The following KSR1 variants were observed in gnomAD, a reference collection of about 807,000 sequenced individuals.
The protein encoded by KSR1 is kinase suppressor of ras 1, also known as kinase suppressor of ras.
KSR1 carries 35 observed loss-of-function variants against 92.9 expected under a neutral mutation model. The observed-to-expected ratio is 0.38, with a 90% CI of 0.29 to 0.50. KSR1 has a LOEUF of 0.50. KSR1 is among the 20% of genes least tolerant of loss of function. The pLI is 0.94. For missense variants in KSR1, 972 were observed against 1,158.5 expected (o/e 0.84, Z 2.34); for synonymous variants, 467 against 472.6 (o/e 0.99, Z 0.15).
rs527495065 is a variant in KSR1, at chr17:27,491,370, C to T, written c.231+34496C>T. Reference sequence around the variant, plus strand: ...GTGTGTGTTGGGGGTGGGGTAGGGGCGGGGGTGGAATGTCTCGCTTTCTTG... The same window carrying T: ...GTGTGTGTTGGGGGTGGGGTAGGGGTGGGGGTGGAATGTCTCGCTTTCTTG... On this transcript the variant is annotated intron_variant, in intron 1 of 20. Coordinates refer to ENST00000644974, the MANE Select transcript of KSR1 (RefSeq NM_001394583.1). Among the ~76,000 whole-genome samples, 4 of 105,210 alleles carry T rather than the reference C, an allele frequency of 3.8e-5. No homozygotes were observed. The South Asian group carries it at 1.0e-3, about 26-fold the overall frequency. The allele number at this position is 105,210 out of a possible 152,430, so 69.0% of individuals were successfully genotyped here. A position where few individuals can be genotyped will look rare whatever the true frequency, so the allele number is the denominator to read the frequency against.
intron 1 of KSR1, among the ~76,000 whole-genome samples, chr17:27,460,865 C>T (rs1567733484): frequency 1.3e-5 from 2 of 152,288 alleles, no homozygotes; most frequent in East Asian, 1.9e-4. Context: ...TGTTGATGTG[C>T]TTACCTGGCT....
At position 27,623,952 on chromosome 17, in the gene KSR1, C is replaced by T. The variant is rs1033987770; in HGVS notation, c.*560C>T. ...CCTTCCTCGTCTTGCAGAGGAAACC[C>T]TGGCTAGGAACTGAGCTAGTTTATG... On this transcript the variant is annotated 3_prime_UTR_variant, in exon 21 of 21. Transcript: ENST00000644974. The T allele has an allele frequency of 3.9e-6, 1 of 254,590 alleles. No homozygotes were observed. The highest frequency in any genetic ancestry group is 2.2e-5 in the African/African-American group (1 of 45,002). The allele number at this position is 254,590 out of a possible 1,614,324, so 15.8% of individuals were successfully genotyped here.
intron 14 of KSR1, among the ~76,000 whole-genome samples, chr17:27,607,004 A>G (rs1435262925): frequency 6.6e-6 from 1 of 151,896 alleles, no homozygotes; most frequent in Non-Finnish European, 1.5e-5. Flanking sequence ...GCTAATTTTT[A>G]TATTTTCAGT....
intron 1 of KSR1, among the ~76,000 whole-genome samples, chr17:27,511,290 G>A (rs1374707597): frequency 6.6e-6 from 1 of 152,216 alleles, no homozygotes; most frequent in Non-Finnish European, 1.5e-5. Flanking sequence ...CTCAGAGCCA[G>A]AAGCCTCTTA....
intron 1 of KSR1, among the ~76,000 whole-genome samples, chr17:27,524,817 C>A (rs377205813): frequency 6.6e-6 from 1 of 152,132 alleles, no homozygotes; most frequent in East Asian, 1.9e-4. Context: ...GCAGGCAGAG[C>A]GGCAGGAAAA....
intron 1 of KSR1, among the ~76,000 whole-genome samples, chr17:27,460,382 ACAGG>A (rs1225450713): frequency 6.6e-6 from 1 of 152,166 alleles, no homozygotes; most frequent in Non-Finnish European, 1.5e-5. Context: ...CTTTCCAGAG[ACAGG>A]CTCTGCCATG....
At chr17:27,554,005 A>G (rs2071499047) in intron 2 of KSR1, among the ~76,000 whole-genome samples, 1 of 152,092 alleles carries the variant, frequency 6.6e-6, no homozygotes, top group Admixed American at 6.5e-5. Context: ...CTGACTCGAT[A>G]CCCACTGCTG....
At position 27,624,194 on chromosome 17, in the gene KSR1, G is replaced by A. The variant is rs911180153; in HGVS notation, c.*802G>A. 6.6e-6 allele frequency: 1 copy of A among 152,368 alleles called. No individual in the cohort carries two copies. Among genetic ancestry groups the A allele is most frequent in the Non-Finnish European group, 1.5e-5 (1 of 68,154 alleles). 9.4% of individuals were successfully genotyped at this position (152,368 alleles called of 1,614,324 possible). On this transcript the variant is annotated 3_prime_UTR_variant, in exon 21 of 21. Coordinates refer to ENST00000644974, the MANE Select transcript of KSR1 (RefSeq NM_001394583.1). ...GCAGGCACCAAGGTGATGGGACTCA[G>A]GGCCTTGGCTTTTAGATACATCCCA... is the stretch of plus-strand genomic sequence containing the variant.
intron 2 of KSR1, among the ~76,000 whole-genome samples, chr17:27,566,890 G>A (rs551895974): frequency 4.0e-4 from 61 of 152,316 alleles, no homozygotes; most frequent in African/African-American, 9.9e-4. Flanking sequence ...GCTTAAGAAC[G>A]TGGAGCTGTA....
At chr17:27,510,265 C>T (rs573818831) in intron 1 of KSR1, among the ~76,000 whole-genome samples, 46 of 152,332 alleles carry the variant, frequency 3.0e-4, no homozygotes, top group Non-Finnish European at 6.2e-4. Flanking sequence ...GGCGGTGCTG[C>T]CCCACCAGGG....
chr17:27,615,945 C>G (rs2074042303), intron 18 of KSR1, among the ~76,000 whole-genome samples: 1 of 152,176 alleles, frequency 6.6e-6, no homozygotes, highest in African/African-American at 2.4e-5. Context: ...ACTAAGTGTC[C>G]AGTGCCTTGT....
At chr17:27,496,300 C>T (rs2068983282) in intron 1 of KSR1, among the ~76,000 whole-genome samples, 1 of 152,208 alleles carries the variant, frequency 6.6e-6, no homozygotes, top group East Asian at 1.9e-4. Context: ...TCTCTAATTA[C>T]ACTTAATAAG....
At chr17:27,462,746 T>C (rs370572916) in intron 1 of KSR1, among the ~76,000 whole-genome samples, 47 of 152,378 alleles carry the variant, frequency 3.1e-4, no homozygotes, top group African/African-American at 1.0e-3. Flanking sequence ...AAGTACTAGA[T>C]GTACAACAGT....
Position 27,592,892 on chromosome 17 carries a change from TGCTGTTTCATTTGA to T in KSR1, c.1299+269_1299+282del, listed in dbSNP as rs1183724642. Among the ~76,000 whole-genome samples the T allele has an allele frequency of 5.3e-5, 8 of 152,354 alleles. No homozygotes were observed. In the East Asian group the frequency reaches 1.5e-3, roughly 29 times the overall value. On this transcript the variant is annotated intron_variant, in intron 9 of 20. Transcript: ENST00000644974. Reference sequence around the variant, plus strand: ...AGTGTGTACTGGAAACTTCTTCCATTGCTGTTTCATTTGAGCCCCACAATAGTTCTGAAGGGTAC... The same window carrying T: ...AGTGTGTACTGGAAACTTCTTCCATTGCCCCACAATAGTTCTGAAGGGTAC...
intron 16 of KSR1, among the ~76,000 whole-genome samples, chr17:27,609,581 A>G (rs1210705101): frequency 6.6e-6 from 1 of 152,232 alleles, no homozygotes; most frequent in Non-Finnish European, 1.5e-5. Flanking sequence ...CGCTTGGCCA[A>G]GGAACCAGGT....
intron 18 of KSR1, among the ~76,000 whole-genome samples, chr17:27,616,657 T>C (rs1429897257): frequency 6.6e-6 from 1 of 152,196 alleles, no homozygotes. Flanking sequence ...GGTGTATGTG[T>C]CCTGCCTGGT....
At chr17:27,572,934 A>G (rs1349902413) in intron 2 of KSR1, among the ~76,000 whole-genome samples, 1 of 152,110 alleles carries the variant, frequency 6.6e-6, no homozygotes, top group Non-Finnish European at 1.5e-5. Flanking sequence ...TTAAGTTAAC[A>G]TTGGGTCTCA....
Position 27,623,463 on chromosome 17 carries a change from C to G in KSR1, c.*71C>G, listed in dbSNP as rs757125109. On this transcript the variant is annotated 3_prime_UTR_variant, in exon 21 of 21. Coordinates refer to ENST00000644974, the MANE Select transcript of KSR1 (RefSeq NM_001394583.1). ...TGTTTCTGAAACATCCCAACAACCA[C>G]CACGACAAAAAAACACTGCCTGCCC... 1 of 709,660 alleles carries G rather than the reference C, an allele frequency of 1.4e-6. No homozygotes were observed. The highest frequency in any genetic ancestry group is 2.6e-6 in the Non-Finnish European group (1 of 388,718). The allele number at this position is 709,660 out of a possible 1,614,324, so 44.0% of individuals were successfully genotyped here.
chr17:27,461,697 G>A (rs2150900498), intron 1 of KSR1, among the ~76,000 whole-genome samples: 1 of 152,380 alleles, frequency 6.6e-6, no homozygotes, highest in Non-Finnish European at 1.5e-5. Flanking sequence ...TGAGCCTGGG[G>A]AGGGCTGGGT....
Sources: gnomAD v4.1 joint callset for allele counts (sites outside exome capture counted in the v4.1 genomes callset) on GRCh38, gnomAD v4.1.1 for gene constraint, MANE v1.5 for transcripts, NCBI Gene and HGNC (gene_info 2026-07-23, HGNC 2026-07-21) for gene names.